Variants in NOL4 observed in about 807,000 individuals in gnomAD.
The protein encoded by NOL4 is cancer/testis antigen 125.
Under a neutral mutation model 75.9 loss-of-function variants are expected in NOL4, and 17 were observed. The ratio of observed to expected loss-of-function variants is 0.22; its 90% CI spans 0.15 to 0.34. NOL4 has a LOEUF of 0.34. Ranked by LOEUF, NOL4 falls within the 10% of genes least tolerant of loss-of-function variation. The probability of loss-of-function intolerance (pLI) is 1.00; values close to 1 mark genes in which losing one functional copy is unlikely to be tolerated. For missense variants in NOL4, 614 were observed against 793.5 expected, an observed-to-expected ratio of 0.77 and a Z score of 2.72; for synonymous variants, 292 against 289.9, an observed-to-expected ratio of 1.01 and a Z score of -0.07.
At chr18:34,010,073 C>T (rs1249435163) in intron 6 of NOL4, among the ~76,000 whole-genome samples, 1 of 148,056 alleles carries the variant, frequency 6.8e-6, no homozygotes, top group African/African-American at 2.4e-5. Context: ...CCCCAGCTAA[C>T]CCTAAGATCG....
chr18:34,106,625 C>G (rs1014345318), intron 2 of NOL4, among the ~76,000 whole-genome samples: 1 of 151,496 alleles, frequency 6.6e-6, no homozygotes, highest in Admixed American at 6.6e-5. Context: ...CAATTCTAAA[C>G]TATTTTGTGA....
chr18:34,173,945 C>T (rs1007907605), intron 1 of NOL4, among the ~76,000 whole-genome samples: 2 of 152,152 alleles, frequency 1.3e-5, no homozygotes, highest in African/African-American at 4.8e-5. Flanking sequence ...TTATTAACTA[C>T]TTTCTCATTT....
intron 1 of NOL4, chr18:34,221,972 A>G: frequency 6.8e-7 from 1 of 1,476,086 alleles, no homozygotes; most frequent in Non-Finnish European, 9.1e-7. Flanking sequence ...CAAAAATACA[A>G]AGGATGCCAG....
rs958886029 is a variant in NOL4, at chr18:34,019,373, T to G, written c.1001A>C (p.Asn334Thr). The G allele has an allele frequency of 6.2e-7, 1 of 1,614,010 alleles. No individual in the cohort carries two copies. The highest frequency in any genetic ancestry group is 8.5e-7 in the Non-Finnish European group (1 of 1,179,920). Reference protein sequence around the residue: ...HNSNGKNKYKNLLISDLKMER... With the variant: ...HNSNGKNKYKTLLISDLKMER... ...CATCTTGAGGTCAGAAATTAGAAGA[T>G]TCTTATACTTGTTTTTCCCATTACT... The change falls in exon 6 of 11, where the codon AAT (asparagine) becomes ACT (threonine). Residue 334 changes from asparagine to threonine, a missense_variant. Asn to Thr is a moderately conservative substitution (Grantham distance 65, BLOSUM62 0). Coordinates refer to ENST00000261592, the MANE Select transcript of NOL4 (RefSeq NM_003787.5).
intron 6 of NOL4, among the ~76,000 whole-genome samples, chr18:33,986,865 C>A (rs533886614): frequency 2.0e-5 from 3 of 152,068 alleles, no homozygotes; most frequent in Non-Finnish European, 2.9e-5. Flanking sequence ...GGAGAAAGCA[C>A]AAATGTGCTT....
intron 1 of NOL4, among the ~76,000 whole-genome samples, chr18:34,170,624 T>G (rs540742052): frequency 1.8e-4 from 27 of 152,326 alleles, no homozygotes; most frequent in African/African-American, 6.5e-4. Flanking sequence ...TTTTATCTGT[T>G]TTTACTTTAA....
At chr18:34,138,070 T>C (rs1247646251) in intron 1 of NOL4, among the ~76,000 whole-genome samples, 2 of 152,056 alleles carry the variant, frequency 1.3e-5, no homozygotes, top group African/African-American at 2.4e-5. Context: ...AGACCACATA[T>C]TGTATGATTC....
chr18:33,940,053 C>T (rs754341225), intron 9 of NOL4, among the ~76,000 whole-genome samples: 12 of 152,164 alleles, frequency 7.9e-5, no homozygotes, highest in Admixed American at 3.3e-4. Context: ...CAGGAAACAA[C>T]GGATGCTGGA....
intron 6 of NOL4, among the ~76,000 whole-genome samples, chr18:34,014,865 C>T (rs140889426): frequency 5.9e-4 from 89 of 152,086 alleles, no homozygotes; most frequent in Non-Finnish European, 1.1e-3. Flanking sequence ...CTCAACTATT[C>T]GTTTTAAGCA....
In NOL4 at chr18:34,095,308, G is replaced by A. The variant is rs565775103; in HGVS notation, c.640-1711C>T. Among the ~76,000 whole-genome samples the A allele has an allele frequency of 4.7e-5, 7 of 147,592 alleles. No individual in the cohort carries two copies. The South Asian group carries it at 1.5e-3, about 32-fold the overall frequency. ...GTATGCAAAAATAAGAGACTTCAATGTGGACTGACATTATCAGTGATAACA... is the reference window on the plus strand; with the variant it reads ...GTATGCAAAAATAAGAGACTTCAATATGGACTGACATTATCAGTGATAACA... On this transcript the variant is annotated intron_variant, in intron 4 of 10. Coordinates refer to ENST00000261592, the MANE Select transcript of NOL4 (RefSeq NM_003787.5).
At position 34,223,261 on chromosome 18, in the gene NOL4, G is replaced by T. The variant is rs769746861; in HGVS notation, c.-8C>A. On this transcript the variant is annotated 5_prime_UTR_variant, in exon 1 of 11. Transcript: ENST00000261592. ...GTCGCGCTCGCTCTCCATGTTCCCC[G>T]CGCTCGGCCGCTGGCCGGATGCTCC... 5.6e-6 allele frequency: 9 copies of T among 1,611,982 alleles called. No homozygotes were observed. The East Asian group carries it at 1.8e-4, about 32-fold the overall frequency.
chr18:33,889,058 CA>C (rs1452540191), intron 9 of NOL4, among the ~76,000 whole-genome samples: 9 of 151,630 alleles, frequency 5.9e-5, no homozygotes, highest in African/African-American at 1.9e-4. Flanking sequence ...AAGAATCCTT[CA>C]AAAAAATCAA....
At chr18:34,029,128 T>A (rs1371563934) in intron 5 of NOL4, among the ~76,000 whole-genome samples, 1 of 152,086 alleles carries the variant, frequency 6.6e-6, no homozygotes, top group East Asian at 1.9e-4. Context: ...TGGTGTACAG[T>A]TATTCTCTCA....
chr18:34,098,930 G>C (rs759281167), intron 4 of NOL4, among the ~76,000 whole-genome samples: 2 of 152,038 alleles, frequency 1.3e-5, no homozygotes, highest in African/African-American at 2.4e-5. Context: ...TTTACGGCCA[G>C]TTTCCTAAAT....
At chr18:34,119,617 ATT>A (rs1196240414) in intron 2 of NOL4, among the ~76,000 whole-genome samples, 2 of 151,294 alleles carry the variant, frequency 1.3e-5, no homozygotes, top group African/African-American at 4.9e-5. Flanking sequence ...TATCTGGGTT[ATT>A]TTTTTTATTT....
At chr18:34,006,371 T>C (rs551311505) in intron 6 of NOL4, among the ~76,000 whole-genome samples, 3 of 152,194 alleles carry the variant, frequency 2.0e-5, no homozygotes, top group African/African-American at 4.8e-5. Flanking sequence ...AGCATTTCAA[T>C]TGGTAAACAG....
intron 1 of NOL4, among the ~76,000 whole-genome samples, chr18:34,167,394 G>A (rs1352209930): frequency 6.6e-6 from 1 of 152,024 alleles, no homozygotes; most frequent in Non-Finnish European, 1.5e-5. Flanking sequence ...GTCGATACTT[G>A]CTTGTATCTC....
intron 5 of NOL4, among the ~76,000 whole-genome samples, chr18:34,073,523 T>C (rs1318248590): frequency 6.6e-6 from 1 of 152,030 alleles, no homozygotes; most frequent in Non-Finnish European, 1.5e-5. Context: ...TTGTGAATAC[T>C]TGTTATATTA....
At chr18:34,047,631 G>C (rs1323603807) in intron 5 of NOL4, among the ~76,000 whole-genome samples, 1 of 151,988 alleles carries the variant, frequency 6.6e-6, no homozygotes, top group Non-Finnish European at 1.5e-5. Context: ...GTTTTTGAAA[G>C]ACTAGATATC....
Sources: allele counts gnomAD v4.1 joint callset (sites outside exome capture counted in the v4.1 genomes callset), GRCh38; gene constraint gnomAD v4.1.1; transcripts MANE v1.5; gene names NCBI Gene and HGNC (gene_info 2026-07-23, HGNC 2026-07-21).